ARHGAP36: variants seen among roughly 807,000 people sequenced by gnomAD.
The protein encoded by ARHGAP36 is rho GTPase-activating protein 36.
ARHGAP36 carries 7 observed loss-of-function variants against 32.9 expected under a neutral mutation model. The observed-to-expected ratio is 0.21, with a 90% CI of 0.12 to 0.40. The LOEUF (loss-of-function observed/expected upper bound fraction) is 0.40, where lower values mean the gene tolerates loss of function less well. Ranked by LOEUF, ARHGAP36 falls within the 10% of genes least tolerant of loss-of-function variation. The pLI is 1.00. For synonymous variants in ARHGAP36, 165 were observed against 168.3 expected (o/e 0.98, Z 0.15); for missense variants, 383 against 442.2 (o/e 0.87, Z 1.20).
intron 1 of ARHGAP36, among the ~76,000 whole-genome samples, chrX:131,071,166 CAG>C (rs112542239): frequency 6.4e-4 from 67 of 105,412 alleles, no homozygotes; most frequent in Non-Finnish European, 5.7e-4. Context: ...AGAGAGAAGA[CAG>C]AGAGAGAGAG....
intron 10 of ARHGAP36, 56 bp from the exon 11 acceptor site, chrX:131,086,503 T>C: frequency 8.3e-7 from 1 of 1,199,745 alleles, no homozygotes; most frequent in Admixed American, 2.2e-5. Flanking sequence ...CAGACTATCT[T>C]TATATTAAGT....
chrX:131,078,298 A>G (rs996754203), intron 1 of ARHGAP36, among the ~76,000 whole-genome samples: 1 of 112,257 alleles, frequency 8.9e-6, no homozygotes, highest in Non-Finnish European at 1.9e-5. Flanking sequence ...CTTTCTTAAG[A>G]TCACACAGCT....
chrX:131,087,495 C>A (rs1239588730), intron 11 of ARHGAP36, among the ~76,000 whole-genome samples: 1 of 110,492 alleles, frequency 9.1e-6, no homozygotes. Context: ...GACTCTCAGA[C>A]CCTGAAGAAG....
intron 1 of ARHGAP36, among the ~76,000 whole-genome samples, chrX:131,075,603 A>G (rs371368205): frequency 1.3e-5 from 1 of 78,237 alleles, no homozygotes; most frequent in Non-Finnish European, 2.4e-5. Context: ...ACACACACGC[A>G]TATATATGTG....
intron 1 of ARHGAP36, among the ~76,000 whole-genome samples, chrX:131,072,214 C>G (rs1228606170): frequency 9.0e-6 from 1 of 111,418 alleles, no homozygotes; most frequent in Non-Finnish European, 1.9e-5. Flanking sequence ...CCATTGCCAG[C>G]CAGGTCGATG....
chrX:131,079,743 G>A (rs530325370), intron 1 of ARHGAP36, among the ~76,000 whole-genome samples: 117 of 110,669 alleles, frequency 1.1e-3, no homozygotes, highest in South Asian at 2.3e-3. Context: ...CAGTAAAGTT[G>A]TATGTAACTA....
At chrX:131,086,722 C>T in intron 11 of ARHGAP36, 57 bp downstream of exon 11, 7 of 1,097,424 alleles carry the variant, frequency 6.4e-6, no homozygotes, top group East Asian at 3.0e-5. Context: ...TGTTGAAGGT[C>T]AGGCCCTTTT....
chrX:131,072,604 A>G, intron 1 of ARHGAP36, among the ~76,000 whole-genome samples: 1 of 111,628 alleles, frequency 9.0e-6, no homozygotes, highest in East Asian at 2.8e-4. Flanking sequence ...CTGAACCTCC[A>G]TTTCTGCTCT....
chrX:131,078,631 C>T (rs746385222), intron 1 of ARHGAP36: 11 of 617,572 alleles, frequency 1.8e-5, no homozygotes, highest in African/African-American at 1.4e-4. Flanking sequence ...TCTCATAGTG[C>T]GAAAGCCTGC....
chrX:131,081,973 G>A, intron 2 of ARHGAP36, 55 bp downstream of exon 2: 1 of 1,173,064 alleles, frequency 8.5e-7, no homozygotes, highest in Middle Eastern at 2.9e-4. Context: ...GGACCCTCCG[G>A]GCAGGACGGG....
chrX:131,064,566 C>T (rs1456593336), intron 1 of ARHGAP36, among the ~76,000 whole-genome samples: 1 of 111,751 alleles, frequency 8.9e-6, no homozygotes, highest in Non-Finnish European at 1.9e-5. Flanking sequence ...TATGGTTTAC[C>T]TCCTTTAGTC....
chrX:131,082,258 C>G (rs1435501615), intron 2 of ARHGAP36, among the ~76,000 whole-genome samples: 1 of 111,821 alleles, frequency 8.9e-6, no homozygotes, highest in African/African-American at 3.3e-5. Context: ...GAGACGGAAG[C>G]GCAGAGGGAC....
At position 131,058,390 on chromosome X, in the gene ARHGAP36, G is replaced by T. The variant is rs1005055765; in HGVS notation, c.-197G>T. 64 of 1,123,856 alleles carry T rather than the reference G, an allele frequency of 5.7e-5. No individual in the cohort carries two copies. The highest frequency in any genetic ancestry group is 7.3e-5 in the Non-Finnish European group (62 of 851,956). The allele number at this position is 1,123,856 out of a possible 1,213,427, so 92.6% of individuals were successfully genotyped here. A position where few individuals can be genotyped will look rare whatever the true frequency, so the allele number is the denominator to read the frequency against. ...TGCCGGGCACTCAGCGCGGGTCATG[G>T]CGTGGATACTGGACTGCCTTTTCGC... On this transcript the variant is annotated 5_prime_UTR_variant, in exon 1 of 12. Coordinates refer to ENST00000276211, the MANE Select transcript of ARHGAP36 (RefSeq NM_144967.4).
chrX:131,083,123 T>C, intron 2 of ARHGAP36, 42 bp from the exon 3 acceptor site: 20 of 1,159,648 alleles, frequency 1.7e-5, no homozygotes, highest in Non-Finnish European at 2.3e-5. Context: ...ACTTATTAAG[T>C]CCTATTTGTA....
In ARHGAP36 at chrX:131,089,422, G is replaced by A. The variant is rs892977163; in HGVS notation, c.*637G>A. ...TTCTGTACAGTTTTGCTCAGGTCAC[G>A]CCAACAGGGAAACCTCAAGTGTAGG... On this transcript the variant is annotated 3_prime_UTR_variant, in exon 12 of 12. Coordinates refer to ENST00000276211, the MANE Select transcript of ARHGAP36 (RefSeq NM_144967.4). 1 of 112,818 alleles carries A rather than the reference G, an allele frequency of 8.9e-6. No individual in the cohort carries two copies. The highest frequency in any genetic ancestry group is 3.2e-5 in the African/African-American group (1 of 31,019). 9.3% of individuals were successfully genotyped at this position (112,818 alleles called of 1,213,427 possible).
intron 1 of ARHGAP36, among the ~76,000 whole-genome samples, chrX:131,080,827 T>G (rs1389720770): frequency 8.9e-6 from 1 of 112,170 alleles, no homozygotes; most frequent in African/African-American, 3.2e-5. Flanking sequence ...AAACAAAATC[T>G]CACCAGTTAA....
At chrX:131,085,132 G>A in intron 7 of ARHGAP36, 68 bp downstream of exon 7, 1 of 1,103,071 alleles carries the variant, frequency 9.1e-7, no homozygotes, top group Non-Finnish European at 1.2e-6. Flanking sequence ...GGGTTCTAGG[G>A]ACAGAGCTCA....
At chrX:131,087,587 C>T (rs910347453) in intron 11 of ARHGAP36, among the ~76,000 whole-genome samples, 3 of 111,536 alleles carry the variant, frequency 2.7e-5, no homozygotes, top group Non-Finnish European at 3.8e-5. Flanking sequence ...AATTCCAGAC[C>T]ATGAAGAAGC....
At chrX:131,085,201 TC>T in intron 7 of ARHGAP36, 137 bp downstream of exon 7, 1 of 540,707 alleles carries the variant, frequency 1.8e-6, no homozygotes, top group Non-Finnish European at 2.7e-6. Flanking sequence ...TAAAAACCTC[TC>T]CAGAATATAT....
Sources: gnomAD v4.1 joint callset for allele counts (sites outside exome capture counted in the v4.1 genomes callset) on GRCh38, gnomAD v4.1.1 for gene constraint, MANE v1.5 for transcripts, NCBI Gene and HGNC (gene_info 2026-07-23, HGNC 2026-07-21) for gene names.